The following SNX29 variants were observed in gnomAD, a reference collection of about 807,000 sequenced individuals.
SNX29 encodes the protein sorting nexin 29, also known as sorting nexin-29.
A neutral mutation model predicts 102.1 loss-of-function variants in SNX29; 78 were observed. The ratio of observed to expected loss-of-function variants is 0.76; its 90% CI spans 0.64 to 0.92. SNX29 has a LOEUF of 0.92. SNX29 is among the 40% of genes least tolerant of loss of function. SNX29 has a pLI of 0.00. For missense variants in SNX29, 1,280 were observed against 1,061.7 expected (o/e 1.21, Z -2.86); for synonymous variants, 580 against 414.5 (o/e 1.40, Z -4.85).
At chr16:12,564,486 C>A (rs1273693084) in intron 20 of SNX29, among the ~76,000 whole-genome samples, 6 of 152,314 alleles carry the variant, frequency 3.9e-5, no homozygotes, top group African/African-American at 1.4e-4. Context: ...TCTCCAAGGT[C>A]TAGAGTGTCT....
At chr16:11,999,219 G>C in intron 1 of SNX29, 78 bp from the exon 2 acceptor site, 5 of 1,331,740 alleles carry the variant, frequency 3.8e-6, no homozygotes, top group Non-Finnish European at 5.3e-6. Context: ...TTAAAGATCA[G>C]TAGGAAAGGA....
intron 18 of SNX29, among the ~76,000 whole-genome samples, chr16:12,436,147 A>G (rs2085528361): frequency 6.6e-6 from 1 of 152,082 alleles, no homozygotes. Context: ...AAGGGGATTA[A>G]AGCTCTTTTC....
chr16:12,073,775 G>A (rs2051414583), intron 10 of SNX29, among the ~76,000 whole-genome samples: 1 of 152,114 alleles, frequency 6.6e-6, no homozygotes, highest in Non-Finnish European at 1.5e-5. Context: ...GGGTGTTAAA[G>A]TCTCTCATTA....
intron 13 of SNX29, among the ~76,000 whole-genome samples, chr16:12,182,324 C>T (rs1596451584): frequency 6.6e-6 from 1 of 151,798 alleles, no homozygotes; most frequent in South Asian, 2.1e-4. Context: ...AATAATCCCA[C>T]TGGACAAAGC....
chr16:12,562,341 G>C (rs562200645), intron 20 of SNX29, among the ~76,000 whole-genome samples: 19 of 151,912 alleles, frequency 1.3e-4, no homozygotes, highest in Non-Finnish European at 2.4e-4. Context: ...CAGATTCTGT[G>C]ATTTCCCCCT....
intron 14 of SNX29, among the ~76,000 whole-genome samples, chr16:12,216,153 A>G (rs750773478): frequency 6.6e-6 from 1 of 152,256 alleles, no homozygotes; most frequent in Non-Finnish European, 1.5e-5. Flanking sequence ...TATATTCATT[A>G]TAGAAAATTA....
chr16:12,304,820 C>G (rs1448255062), intron 15 of SNX29, among the ~76,000 whole-genome samples: 2 of 152,206 alleles, frequency 1.3e-5, no homozygotes, highest in African/African-American at 4.8e-5. Context: ...TATAAACTCT[C>G]ATTTACCTAG....
chr16:12,509,300 C>T (rs957147462), intron 19 of SNX29, among the ~76,000 whole-genome samples: 4 of 152,182 alleles, frequency 2.6e-5, no homozygotes, highest in African/African-American at 7.2e-5. Context: ...CCAGGCATGC[C>T]ATCTGTCAGC....
intron 19 of SNX29, 129 bp from the exon 20 acceptor site, chr16:12,524,573 A>G (rs2090224648): frequency 4.8e-6 from 5 of 1,038,548 alleles, no homozygotes; most frequent in Non-Finnish European, 6.8e-6. Flanking sequence ...GGGACCATTC[A>G]TACGAGATAG....
chr16:12,036,352 T>TGG (rs2057473538), intron 4 of SNX29, among the ~76,000 whole-genome samples: 2 of 125,560 alleles, frequency 1.6e-5, no homozygotes, highest in Admixed American at 7.6e-5. Context: ...TTTTTTTTTT[T>TGG]GAGACAGAGT....
chr16:12,347,835 C>T (rs966008985), intron 15 of SNX29, among the ~76,000 whole-genome samples: 12 of 149,380 alleles, frequency 8.0e-5, no homozygotes, highest in South Asian at 2.1e-4. Context: ...CGTAGCACTT[C>T]GGGAGGCTGA....
intron 16 of SNX29, among the ~76,000 whole-genome samples, chr16:12,378,162 G>T (rs2082945122): frequency 1.3e-5 from 2 of 152,224 alleles, no homozygotes; most frequent in African/African-American, 4.8e-5. Context: ...GGTAATTTAT[G>T]AGGAAAAGTT....
intron 11 of SNX29, among the ~76,000 whole-genome samples, chr16:12,116,506 T>C (rs1426805192): frequency 6.6e-6 from 1 of 152,152 alleles, no homozygotes; most frequent in Non-Finnish European, 1.5e-5. Context: ...ACGTCATCTC[T>C]ACTTAAAAAA....
chr16:12,045,156 A>G (rs2050036480), intron 5 of SNX29, among the ~76,000 whole-genome samples: 1 of 152,172 alleles, frequency 6.6e-6, no homozygotes, highest in African/African-American at 2.4e-5. Flanking sequence ...CAGCTTGAGC[A>G]TGTGGTTTGT....
At chr16:12,081,691 A>AAG (rs3063468) in intron 11 of SNX29, 6 of 88,912 alleles carry the variant, frequency 6.7e-5, no homozygotes, top group Non-Finnish European at 1.3e-4. Context: ...AAAAAAAAAA[A>AAG]AAAAGAAAAG....
chr16:12,034,528 C>T (rs1379942953), intron 4 of SNX29, among the ~76,000 whole-genome samples: 1 of 152,182 alleles, frequency 6.6e-6, no homozygotes, highest in Non-Finnish European at 1.5e-5. Flanking sequence ...TGTGTGTTAT[C>T]CTGGGTCACT....
chr16:12,571,001 G>T lies in SNX29; in HGVS notation c.*2372G>T, dbSNP rs140819392. On this transcript the variant is annotated 3_prime_UTR_variant, in exon 21 of 21. Transcript: ENST00000566228. Reference sequence around the variant, plus strand: ...CCTCCCCCATGATCATGCACAGACCGTAGAGTCGAGTCATCTCGCAGATCC... The same window carrying T: ...CCTCCCCCATGATCATGCACAGACCTTAGAGTCGAGTCATCTCGCAGATCC... The T allele has an allele frequency of 9.5e-5, 22 of 232,310 alleles. No homozygotes were observed. Among genetic ancestry groups the T allele is most frequent in the African/African-American group, 2.2e-4 (10 of 45,412 alleles). 14.4% of individuals were successfully genotyped at this position (232,310 alleles called of 1,614,324 possible).
At position 12,391,096 on chromosome 16, in the gene SNX29, C is replaced by T. The variant is rs1478290006; in HGVS notation, c.1900-7350C>T. On this transcript the variant is annotated intron_variant, in intron 16 of 20. Coordinates refer to ENST00000566228, the MANE Select transcript of SNX29 (RefSeq NM_032167.5). The stretch of plus-strand genomic sequence containing the variant: ...GAGTAGTTGGGACTATAGGAGCATG[C>T]CACCACACCCAGCTACTTTTTAAAT... Among the ~76,000 whole-genome samples the T allele has an allele frequency of 3.3e-5, 5 of 151,988 alleles. No individual in the cohort carries two copies. The East Asian group carries it at 9.6e-4, about 29-fold the overall frequency.
chr16:12,030,685 C>G (rs568446331), intron 4 of SNX29, among the ~76,000 whole-genome samples: 1 of 152,348 alleles, frequency 6.6e-6, no homozygotes, highest in East Asian at 1.9e-4. Flanking sequence ...CACTCCCCCA[C>G]TTATTCCCCG....
Sources: gnomAD v4.1 joint callset for allele counts (sites outside exome capture counted in the v4.1 genomes callset) on GRCh38, gnomAD v4.1.1 for gene constraint, MANE v1.5 for transcripts, NCBI Gene and HGNC (gene_info 2026-07-23, HGNC 2026-07-21) for gene names.